RP1: variants seen among roughly 807,000 people sequenced by gnomAD.
RP1 encodes oxygen-regulated protein 1.
A neutral mutation model predicts 14.8 loss-of-function variants in RP1; 16 were observed. The observed-to-expected ratio is 1.08, with a 90% CI of 0.73 to 1.65. The LOEUF is 1.65. Among genes scored for constraint, RP1 ranks in the 40% most tolerant of loss-of-function variants. RP1 has a pLI of 0.00. For missense variants in RP1, 2,631 were observed against 2,535.0 expected (o/e 1.04, Z -0.81); for synonymous variants, 876 against 883.6 (o/e 0.99, Z 0.15).
intron 3 of RP1, 109 bp downstream of exon 3, chr8:54,622,397 G>A: frequency 1.1e-6 from 1 of 878,456 alleles, no homozygotes; most frequent in South Asian, 1.4e-5. Context: ...CCACAGAAAC[G>A]AAAAGGAGAG....
chr8:54,777,602 G>C (rs1013573824), intron 23 of RP1, among the ~76,000 whole-genome samples: 1 of 151,914 alleles, frequency 6.6e-6, no homozygotes, highest in Non-Finnish European at 1.5e-5. Context: ...TAGGATTAAT[G>C]ATATTTGTCT....
At chr8:54,768,927 C>T (rs1809833200) in intron 22 of RP1, among the ~76,000 whole-genome samples, 1 of 147,634 alleles carries the variant, frequency 6.8e-6, no homozygotes, top group Admixed American at 6.8e-5. Flanking sequence ...GACGGAGTCT[C>T]ACTCTGTTGC....
intron 13 of RP1, among the ~76,000 whole-genome samples, chr8:54,699,809 G>A (rs1179478789): frequency 6.6e-6 from 1 of 152,078 alleles, no homozygotes; most frequent in Non-Finnish European, 1.5e-5. Flanking sequence ...ATTTTAATGA[G>A]CTTTCAAAAG....
chr8:54,754,169 G>A (rs1809442781), intron 19 of RP1, among the ~76,000 whole-genome samples: 1 of 152,146 alleles, frequency 6.6e-6, no homozygotes, highest in Non-Finnish European at 1.5e-5. Context: ...GCAGCTGCCT[G>A]CATGTTGGAA....
intron 19 of RP1, among the ~76,000 whole-genome samples, chr8:54,740,902 G>A (rs1468472316): frequency 6.6e-6 from 1 of 151,856 alleles, no homozygotes; most frequent in Non-Finnish European, 1.5e-5. Context: ...CAGGCGTGGT[G>A]GCAGGCGCCT....
intron 26 of RP1, among the ~76,000 whole-genome samples, chr8:54,856,162 A>G (rs192391275): frequency 6.6e-6 from 1 of 152,358 alleles, no homozygotes; most frequent in East Asian, 1.9e-4. Flanking sequence ...GGCATGGATG[A>G]ATCTCACGTT....
At chr8:54,687,511 C>A (rs998356919) in intron 12 of RP1, among the ~76,000 whole-genome samples, 3 of 151,988 alleles carry the variant, frequency 2.0e-5, no homozygotes, top group Non-Finnish European at 4.4e-5. Context: ...CTCCCTATGT[C>A]CATGTGTTCT....
intron 24 of RP1, among the ~76,000 whole-genome samples, chr8:54,834,814 A>C (rs1247739665): frequency 6.6e-6 from 1 of 152,024 alleles, no homozygotes; most frequent in East Asian, 1.9e-4. Flanking sequence ...TATTTCCTTG[A>C]AGGGCAATCA....
rs1806188183 is a variant in RP1 at position 54,629,519 on chromosome 8, C to T, written c.5637C>T (p.Tyr1879=). The T allele has an allele frequency of 6.2e-7, 1 of 1,614,050 alleles. No homozygotes were observed. The highest frequency in any genetic ancestry group is 8.5e-7 in the Non-Finnish European group (1 of 1,179,962). Residue 1879 remains tyrosine (Y), a synonymous_variant, in exon 4 of 4, where the codon TAC becomes TAT. Coordinates refer to ENST00000220676, the MANE Select transcript of RP1 (RefSeq NM_006269.2). ...TTATTTCTGCTGGTAACAAAGTCTACCCTGTCTCTGATGATGCTATTAAAA... is the reference window on the plus strand; with the variant it reads ...TTATTTCTGCTGGTAACAAAGTCTATCCTGTCTCTGATGATGCTATTAAAA... The part of the protein sequence containing the change: ...HSFISAGNKV[Y]PVSDDAIKNQ...
chr8:54,565,037 C>A (rs559356798), intron 1 of RP1, among the ~76,000 whole-genome samples: 1 of 152,078 alleles, frequency 6.6e-6, no homozygotes, highest in Non-Finnish European at 1.5e-5. Flanking sequence ...ATTATAGGCG[C>A]GAGCCACCAT....
At chr8:54,565,270 A>C (rs1295385191) in intron 1 of RP1, among the ~76,000 whole-genome samples, 3 of 152,234 alleles carry the variant, frequency 2.0e-5, no homozygotes, top group Non-Finnish European at 4.4e-5. Context: ...GCAAGTAGCA[A>C]AACCTTAGCT....
chr8:54,708,353 G>GTTT (rs529900167), intron 15 of RP1, among the ~76,000 whole-genome samples: 13 of 144,184 alleles, frequency 9.0e-5, no homozygotes, highest in Non-Finnish European at 9.1e-5. Flanking sequence ...GTGATTTCTG[G>GTTT]TTTTTTTTTT....
intron 19 of RP1, among the ~76,000 whole-genome samples, chr8:54,749,297 C>T (rs1809302370): frequency 6.6e-6 from 1 of 151,724 alleles, no homozygotes; most frequent in African/African-American, 2.4e-5. Flanking sequence ...CGCCACTGCA[C>T]TCCAGCCTGG....
chr8:54,720,680 T>C (rs1187601161), intron 16 of RP1, among the ~76,000 whole-genome samples: 1 of 152,186 alleles, frequency 6.6e-6, no homozygotes, highest in Non-Finnish European at 1.5e-5. Context: ...TTTTTAATGG[T>C]TGCAGTATAA....
Position 54,715,128 on chromosome 8 carries a change from T to C in RP1, c.2212-5001T>C, listed in dbSNP as rs565024052. Among the ~76,000 whole-genome samples, 8 of 152,374 alleles carry C rather than the reference T, an allele frequency of 5.3e-5. No individual in the cohort carries two copies. The South Asian group carries it at 1.4e-3, about 28-fold the overall frequency. On this transcript the variant is annotated intron_variant, in intron 15 of 22. Transcript: ENST00000636932. Reference sequence around the variant, plus strand: ...AAATATTAAGTATGAAAAGTTAAAATATCACTTGGGTGATGGTAACTAGGA... The same window carrying C: ...AAATATTAAGTATGAAAAGTTAAAACATCACTTGGGTGATGGTAACTAGGA...
Position 54,679,327 on chromosome 8 carries a change from T to G in RP1, c.1479-93T>G, listed in dbSNP as rs529423599. On this transcript the variant is annotated intron_variant, in intron 9 of 22. Coordinates refer to the RP1 transcript ENST00000636932. ...AGATAGCCACGTCTTTTCCCTTTCC[T>G]GCTATCTTGTATTTCTGACTTGGGA... 2.3e-5 allele frequency: 26 copies of G among 1,129,276 alleles called. No homozygotes were observed. In the East Asian group the frequency reaches 5.6e-4, roughly 25 times the overall value. The allele number at this position is 1,129,276 out of a possible 1,614,324, so 70.0% of individuals were successfully genotyped here.
At chr8:54,761,002 G>A (rs1032803813) in intron 22 of RP1, among the ~76,000 whole-genome samples, 5 of 152,100 alleles carry the variant, frequency 3.3e-5, no homozygotes, top group African/African-American at 1.2e-4. Context: ...CAGCACACAG[G>A]CATCTCTGGG....
chr8:54,718,683 G>A (rs1203969748), intron 15 of RP1, among the ~76,000 whole-genome samples: 1 of 152,144 alleles, frequency 6.6e-6, no homozygotes, highest in Non-Finnish European at 1.5e-5. Flanking sequence ...AAAAAGAAAT[G>A]AGCCATGAAA....
chr8:54,730,876 A>G (rs1257688806), intron 17 of RP1, among the ~76,000 whole-genome samples: 1 of 152,120 alleles, frequency 6.6e-6, no homozygotes, highest in Admixed American at 6.6e-5. Flanking sequence ...TTGCAAGATA[A>G]CTATAGGGGG....
Sources: allele counts gnomAD v4.1 joint callset (sites outside exome capture counted in the v4.1 genomes callset), GRCh38; gene constraint gnomAD v4.1.1; transcripts MANE v1.5; gene names NCBI Gene and HGNC (gene_info 2026-07-23, HGNC 2026-07-21).